SVOP: variants seen among roughly 807,000 people sequenced by gnomAD.
SVOP encodes SV2 related protein, also known as synaptic vesicle 2-related protein.
In SVOP, 17 loss-of-function variants were observed where a neutral mutation model predicts 69.1. That is an observed-to-expected ratio of 0.25 (90% CI 0.17 to 0.37). SVOP has a LOEUF of 0.37. Ranked by LOEUF, SVOP falls within the 10% of genes least tolerant of loss-of-function variation. The pLI, the probability that SVOP is intolerant of heterozygous loss-of-function variation, is 1.00. For missense variants in SVOP, 435 were observed against 597.5 expected (o/e 0.73, Z 2.84); for synonymous variants, 238 against 238.6 (o/e 1.00, Z 0.02).
At chr12:109,003,649 C>A (rs112365664) in intron 1 of SVOP, among the ~76,000 whole-genome samples, 1 of 152,156 alleles carries the variant, frequency 6.6e-6, no homozygotes, top group Non-Finnish European at 1.5e-5. Flanking sequence ...TGCTCTGTCA[C>A]CAAGGCTGGA....
intron 4 of SVOP, 34 bp downstream of exon 4, chr12:108,977,364 G>C: frequency 6.5e-7 from 1 of 1,535,930 alleles, no homozygotes; most frequent in Non-Finnish European, 8.7e-7. Flanking sequence ...GAGCAGAACT[G>C]TATGCAACAG....
chr12:108,953,443 G>A (rs956242456), intron 6 of SVOP, among the ~76,000 whole-genome samples: 3 of 152,162 alleles, frequency 2.0e-5, no homozygotes, highest in East Asian at 3.9e-4. Flanking sequence ...CACCACGCCC[G>A]GCCCTAATTG....
At chr12:109,003,092 G>A (rs1487587021) in intron 1 of SVOP, among the ~76,000 whole-genome samples, 1 of 152,038 alleles carries the variant, frequency 6.6e-6, no homozygotes, top group African/African-American at 2.4e-5. Flanking sequence ...CCAGTCTCCA[G>A]GCAGTTTGTT....
At chr12:108,918,235 C>T (rs958204073) in intron 13 of SVOP, 111 bp from the exon 14 acceptor site, 1 of 699,044 alleles carries the variant, frequency 1.4e-6, no homozygotes, top group South Asian at 2.2e-5. Flanking sequence ...AAGGTTACCC[C>T]TCCCCGATGC....
At chr12:108,959,618 T>C (rs1297059879) in intron 6 of SVOP, among the ~76,000 whole-genome samples, 1 of 152,190 alleles carries the variant, frequency 6.6e-6, no homozygotes, top group African/African-American at 2.4e-5. Context: ...CCTCCCAAAG[T>C]GCTGAGATTA....
At chr12:108,913,219 G>A (rs1221780766) in intron 15 of SVOP, among the ~76,000 whole-genome samples, 2 of 152,082 alleles carry the variant, frequency 1.3e-5, no homozygotes, top group Admixed American at 6.5e-5. Flanking sequence ...CTGCCACCAC[G>A]CCCGGCTAAT....
rs1164324759 is a variant in SVOP, at chr12:109,020,958, G to A, written c.-90C>T. 7.4e-6 allele frequency: 5 copies of A among 675,710 alleles called. No individual in the cohort carries two copies. The highest frequency in any genetic ancestry group is 1.8e-5 in the African/African-American group (1 of 55,226). The allele number at this position is 675,710 out of a possible 1,614,324, so 41.9% of individuals were successfully genotyped here. The stretch of plus-strand genomic sequence containing the variant: ...CTCCGGTTTTCAGCACCGGGAAGCT[G>A]GACAGCACCCGCGCCGCTTCCTCCC... On this transcript the variant is annotated 5_prime_UTR_variant, in exon 1 of 16. Coordinates refer to ENST00000610966, the MANE Select transcript of SVOP (RefSeq NM_018711.5).
chr12:108,909,165 T>A lies in SVOP; in HGVS notation c.*3370A>T, dbSNP rs75986170. On this transcript the variant is annotated 3_prime_UTR_variant, in exon 16 of 16. Coordinates refer to ENST00000610966, the MANE Select transcript of SVOP (RefSeq NM_018711.5). ...AAAGAAGCTGGGTTCTTGATAACAT[T>A]GTTGAGCGTTGAACCTTCTCTGATC... 1 of 152,266 alleles carries A rather than the reference T, an allele frequency of 6.6e-6. No homozygotes were observed. The highest frequency in any genetic ancestry group is 1.9e-4 in the East Asian group (1 of 5,188). 9.4% of individuals were successfully genotyped at this position (152,266 alleles called of 1,614,324 possible).
chr12:109,003,477 A>C (rs2040285933), intron 1 of SVOP, among the ~76,000 whole-genome samples: 1 of 152,198 alleles, frequency 6.6e-6, no homozygotes, highest in Admixed American at 6.5e-5. Flanking sequence ...GATGAAGAGG[A>C]AAATTGTGAG....
chr12:109,000,587 G>C lies in SVOP; in HGVS notation c.36-16826C>G, dbSNP rs1436907031. Among the ~76,000 whole-genome samples the C allele has an allele frequency of 5.0e-5, 2 of 39,828 alleles. 1 individual carries two copies. Among genetic ancestry groups the C allele is most frequent in the East Asian group, 9.3e-4 (2 of 2,158 alleles). The allele number at this position is 39,828 out of a possible 152,430, so 26.1% of individuals were successfully genotyped here. On this transcript the variant is annotated intron_variant, in intron 1 of 15. Transcript: ENST00000610966. ...ATAAAATACTGGCAAAACGAATCCA[G>C]CAGCACATCAAAAAGCTTATCCACC...
intron 7 of SVOP, 25 bp from the exon 8 acceptor site, chr12:108,940,934 T>C (rs1300908481): frequency 1.3e-6 from 2 of 1,534,870 alleles, no homozygotes; most frequent in South Asian, 2.4e-5. Flanking sequence ...TCAGGGTCAG[T>C]GGTGGGGGTA....
intron 2 of SVOP, among the ~76,000 whole-genome samples, chr12:108,979,550 T>C (rs1378346979): frequency 6.6e-6 from 1 of 152,168 alleles, no homozygotes; most frequent in African/African-American, 2.4e-5. Context: ...CCTGAAATAC[T>C]TTTGAAAGGT....
rs566177806 is a variant in SVOP at position 108,949,291 on chromosome 12, A to G, written c.579-4125T>C. Among the ~76,000 whole-genome samples the G allele has an allele frequency of 1.8e-3, 273 of 151,334 alleles. 4 individuals carry two copies. Among genetic ancestry groups the G allele is most frequent in the Middle Eastern group, 3.4e-3 (1 of 292 alleles). ...ATCTTTCAGCTTTTTTTTTGCCCAC[A>G]CAGAGTCTCACTCTCTCATCCAGGC... On this transcript the variant is annotated intron_variant, in intron 6 of 15. Coordinates refer to ENST00000610966, the MANE Select transcript of SVOP (RefSeq NM_018711.5).
chr12:108,935,751 G>A (rs2039852659), intron 10 of SVOP, among the ~76,000 whole-genome samples: 2 of 152,122 alleles, frequency 1.3e-5, no homozygotes, highest in Admixed American at 1.3e-4. Context: ...ACATGAATTG[G>A]TGCAAAGAGA....
At position 108,912,596 on chromosome 12, in the gene SVOP, A is replaced by T; in HGVS notation, c.1586T>A (p.Met529Lys). ...TGCACCGTGCATTCCTCGGCCGACC[A>T]TCTCCTGGCCCCACTCCCGGTGGCT... is the stretch of plus-strand genomic sequence containing the variant. Reference protein sequence around the residue: ...ESSHREWGQEMVGRGMHGAGV... With the variant: ...ESSHREWGQEKVGRGMHGAGV... The change falls in exon 16 of 16, where the codon ATG (methionine) becomes AAG (lysine). Residue 529 changes from methionine to lysine, a missense_variant. Physicochemically the swap from Met to Lys is moderately conservative, Grantham distance 95. Coordinates refer to ENST00000610966, the MANE Select transcript of SVOP (RefSeq NM_018711.5). 1 of 1,613,794 alleles carries T rather than the reference A, an allele frequency of 6.2e-7. No individual in the cohort carries two copies. The highest frequency in any genetic ancestry group is 1.3e-5 in the African/African-American group (1 of 74,994).
chr12:108,993,813 C>T lies in SVOP; in HGVS notation c.36-10052G>A, dbSNP rs140430561. Among the ~76,000 whole-genome samples the T allele has an allele frequency of 2.5e-4, 38 of 152,172 alleles. 2 individuals are homozygous for T. The highest frequency in any genetic ancestry group is 8.9e-4 in the African/African-American group (37 of 41,494). On this transcript the variant is annotated intron_variant, in intron 1 of 15. Coordinates refer to ENST00000610966, the MANE Select transcript of SVOP (RefSeq NM_018711.5). ...CCAAAATCAAAAACGTGAAGAGTCCCCTAAGGTATTCACAGAAGATGGACA... is the reference window on the plus strand; with the variant it reads ...CCAAAATCAAAAACGTGAAGAGTCCTCTAAGGTATTCACAGAAGATGGACA...
chr12:109,007,626 G>A (rs564319279), intron 1 of SVOP, among the ~76,000 whole-genome samples: 5 of 152,176 alleles, frequency 3.3e-5, no homozygotes, highest in Non-Finnish European at 7.3e-5. Flanking sequence ...CCTGTGATTG[G>A]CTCAGGAGTA....
intron 3 of SVOP, 51 bp from the exon 4 acceptor site, chr12:108,977,547 G>A: frequency 7.5e-7 from 1 of 1,332,874 alleles, no homozygotes; most frequent in South Asian, 1.3e-5. Context: ...TTGGTGCTGG[G>A]GAAGGCTGGC....
At position 108,954,113 on chromosome 12, in the gene SVOP, C is replaced by CAAA. The variant is rs760331681; in HGVS notation, c.578+6807_578+6809dup. On this transcript the variant is annotated intron_variant, in intron 6 of 15. Transcript: ENST00000610966. ...TGGGTGACAGAGTAAGAATCTGTCT[C>CAAA]AAAAAAAAAAAAAAAAAAAAAAGCT... Among the ~76,000 whole-genome samples the CAAA allele has an allele frequency of 1.4e-3, 84 of 61,698 alleles. 2 individuals are homozygous for CAAA. The highest frequency in any genetic ancestry group is 8.5e-3 in the Middle Eastern group (1 of 118). The allele number at this position is 61,698 out of a possible 152,430, so 40.5% of individuals were successfully genotyped here.
Sources: gnomAD v4.1 joint callset for allele counts (sites outside exome capture counted in the v4.1 genomes callset) on GRCh38, gnomAD v4.1.1 for gene constraint, MANE v1.5 for transcripts, NCBI Gene and HGNC (gene_info 2026-07-23, HGNC 2026-07-21) for gene names.